Variants in L3MBTL4 observed in about 807,000 individuals in gnomAD.
L3MBTL4 encodes lethal(3)malignant brain tumor-like protein 4.
L3MBTL4 carries 70 observed loss-of-function variants against 84.5 expected under a neutral mutation model. The ratio of observed to expected loss-of-function variants is 0.83; its 90% CI spans 0.68 to 1.01. L3MBTL4 has a LOEUF of 1.01. Ranked by LOEUF, L3MBTL4 falls within the 50% of genes least tolerant of loss-of-function variation. The pLI is 0.00. For missense variants in L3MBTL4, 715 were observed against 754.8 expected (o/e 0.95, Z 0.62); for synonymous variants, 274 against 259.8 (o/e 1.05, Z -0.52).
At chr18:6,069,419 T>G (rs149540416) in intron 16 of L3MBTL4, among the ~76,000 whole-genome samples, 2 of 151,944 alleles carry the variant, frequency 1.3e-5, no homozygotes, top group Non-Finnish European at 2.9e-5. Flanking sequence ...CATAAGTTGC[T>G]GCAGGAAAGT....
chr18:6,263,057 G>A (rs2048475323), intron 5 of L3MBTL4, among the ~76,000 whole-genome samples: 1 of 152,160 alleles, frequency 6.6e-6, no homozygotes, highest in African/African-American at 2.4e-5. Flanking sequence ...GGCGGATCAT[G>A]AGGTCAGGAG....
At chr18:6,114,866 G>A (rs2059308696) in intron 14 of L3MBTL4, among the ~76,000 whole-genome samples, 1 of 152,054 alleles carries the variant, frequency 6.6e-6, no homozygotes. Context: ...TGAGTCAAAG[G>A]ATACCTGCAA....
At chr18:6,171,688 G>A in intron 13 of L3MBTL4, 140 bp downstream of exon 13, 1 of 466,128 alleles carries the variant, frequency 2.1e-6, no homozygotes, top group Non-Finnish European at 3.8e-6. Context: ...TAAATAATCG[G>A]CTTTCAGTGT....
At chr18:6,232,476 T>G (rs2047037920) in intron 10 of L3MBTL4, among the ~76,000 whole-genome samples, 1 of 152,138 alleles carries the variant, frequency 6.6e-6, no homozygotes, top group Non-Finnish European at 1.5e-5. Context: ...GTTCTTAAAA[T>G]GTTTGCTAGA....
chr18:6,130,099 C>A (rs1354480634), intron 14 of L3MBTL4, among the ~76,000 whole-genome samples: 4 of 152,058 alleles, frequency 2.6e-5, no homozygotes, highest in Non-Finnish European at 5.9e-5. Context: ...AAAATTGAAT[C>A]TTTTGTAGTG....
intron 16 of L3MBTL4, among the ~76,000 whole-genome samples, chr18:6,047,805 AAAGCTGG>A (rs2056686433): frequency 1.3e-5 from 2 of 152,312 alleles, no homozygotes; most frequent in African/African-American, 4.8e-5. Context: ...TGAATGGGCG[AAAGCTGG>A]AAGCTGGAAG....
At chr18:6,209,225 A>G (rs2045996116) in intron 12 of L3MBTL4, among the ~76,000 whole-genome samples, 1 of 152,224 alleles carries the variant, frequency 6.6e-6, no homozygotes, top group East Asian at 1.9e-4. Context: ...AAAATGTGAT[A>G]TATAACATAC....
chr18:6,209,673 G>A (rs1030063292), intron 12 of L3MBTL4, among the ~76,000 whole-genome samples: 10 of 151,966 alleles, frequency 6.6e-5, no homozygotes, highest in African/African-American at 1.7e-4. Flanking sequence ...GAAAACATAC[G>A]TCCACACAAA....
intron 12 of L3MBTL4, among the ~76,000 whole-genome samples, chr18:6,203,707 T>G (rs2045748511): frequency 6.6e-6 from 1 of 152,170 alleles, no homozygotes; most frequent in Non-Finnish European, 1.5e-5. Flanking sequence ...CATTGCAAAC[T>G]TCAGTGCACA....
intron 4 of L3MBTL4, among the ~76,000 whole-genome samples, chr18:6,275,121 C>A (rs1234678299): frequency 1.3e-5 from 2 of 152,094 alleles, no homozygotes; most frequent in African/African-American, 4.8e-5. Context: ...TAGTGCCCAT[C>A]AGTGTGCAGG....
intron 5 of L3MBTL4, among the ~76,000 whole-genome samples, chr18:6,246,655 G>C (rs1298617437): frequency 1.3e-5 from 2 of 152,214 alleles, no homozygotes; most frequent in Admixed American, 1.3e-4. Context: ...TGTAATCCCA[G>C]CACTTTGGGA....
intron 16 of L3MBTL4, 108 bp downstream of exon 16, chr18:6,080,773 T>C (rs2058049238): frequency 1.3e-6 from 1 of 773,250 alleles, no homozygotes; most frequent in Non-Finnish European, 2.0e-6. Context: ...CTAGTTAGGC[T>C]CTTTCTACCA....
At chr18:5,978,558 A>C (rs1159453433) in intron 16 of L3MBTL4, among the ~76,000 whole-genome samples, 1 of 152,050 alleles carries the variant, frequency 6.6e-6, no homozygotes, top group South Asian at 2.1e-4. Flanking sequence ...CTTATTTTGA[A>C]GTTTCTTCTT....
chr18:6,197,144 G>A (rs1311983082), intron 12 of L3MBTL4, among the ~76,000 whole-genome samples: 1 of 152,186 alleles, frequency 6.6e-6, no homozygotes, highest in Non-Finnish European at 1.5e-5. Flanking sequence ...AGATGTGCAG[G>A]ATGTGCAGGT....
chr18:5,962,733 A>G (rs1409014581), intron 17 of L3MBTL4, among the ~76,000 whole-genome samples: 1 of 152,260 alleles, frequency 6.6e-6, no homozygotes, highest in Non-Finnish European at 1.5e-5. Flanking sequence ...GAAATGGTCC[A>G]GCAGGGTCTG....
intron 10 of L3MBTL4, among the ~76,000 whole-genome samples, chr18:6,226,019 T>C (rs1745303372): frequency 6.6e-6 from 1 of 152,060 alleles, no homozygotes; most frequent in African/African-American, 2.4e-5. Flanking sequence ...TAACACCAGA[T>C]GGAAATTTGG....
At chr18:6,086,138 A>G (rs1336556411) in intron 15 of L3MBTL4, among the ~76,000 whole-genome samples, 1 of 152,240 alleles carries the variant, frequency 6.6e-6, no homozygotes, top group Non-Finnish European at 1.5e-5. Context: ...AGATCATGTT[A>G]AAGTCCCACT....
chr18:6,391,506 T>G (rs780630710), intron 1 of L3MBTL4, among the ~76,000 whole-genome samples: 51 of 151,610 alleles, frequency 3.4e-4, no homozygotes, highest in Admixed American at 1.5e-3. Context: ...GAGAAAGAAA[T>G]AAAGGGGATC....
intron 1 of L3MBTL4, chr18:6,395,538 C>G (rs2055236164): frequency 6.6e-6 from 1 of 152,002 alleles, no homozygotes; most frequent in Non-Finnish European, 1.5e-5. Flanking sequence ...AAAATGTGTG[C>G]CTAAATACCC....
Sources: allele counts gnomAD v4.1 joint callset (sites outside exome capture counted in the v4.1 genomes callset), GRCh38; gene constraint gnomAD v4.1.1; transcripts MANE v1.5; gene names NCBI Gene and HGNC (gene_info 2026-07-23, HGNC 2026-07-21).